Variants in GID8 observed in about 807,000 individuals in gnomAD.
GID8 encodes the protein GID complex subunit 8 homolog.
A neutral mutation model predicts 27.4 loss-of-function variants in GID8; 6 were observed. That is an observed-to-expected ratio of 0.22 (90% CI 0.12 to 0.43). The LOEUF (loss-of-function observed/expected upper bound fraction) is 0.43, where lower values mean the gene tolerates loss of function less well. Among genes scored for constraint, GID8 ranks in the 20% least tolerant of loss-of-function variants. GID8 has a pLI of 1.00. For missense variants in GID8, 173 were observed against 287.6 expected, an observed-to-expected ratio of 0.60 and a Z score of 2.88; for synonymous variants, 112 against 109.0, an observed-to-expected ratio of 1.03 and a Z score of -0.17.
chr20:62,945,746 A>C lies in GID8; in HGVS notation c.*834A>C. ...GGCTTTTTCTGGTACCTGCAGCTGG[A>C]AAGGCCACTTGGCCCTGTGCTGAGT... is the stretch of plus-strand genomic sequence containing the variant. On this transcript the variant is annotated 3_prime_UTR_variant, in exon 5 of 5. Coordinates refer to ENST00000266069, the MANE Select transcript of GID8 (RefSeq NM_017896.3). 1 of 1,219,362 alleles carries C rather than the reference A, an allele frequency of 8.2e-7. No individual in the cohort carries two copies. The highest frequency in any genetic ancestry group is 1.1e-6 in the Non-Finnish European group (1 of 949,690). 75.5% of individuals were successfully genotyped at this position (1,219,362 alleles called of 1,614,324 possible).
chr20:62,944,891 T>A lies in GID8; in HGVS notation c.666T>A (p.Gly222=), dbSNP rs1379895748. The A allele has an allele frequency of 3.1e-6, 5 of 1,612,884 alleles. No homozygotes were observed. The highest frequency in any genetic ancestry group is 4.2e-6 in the Non-Finnish European group (5 of 1,179,392). Residue 222 remains glycine, a synonymous_variant, in exon 5 of 5, where the codon GGT becomes GGA. Transcript: ENST00000266069. ...KYPKMTDLSK[G]VIEEPK ...CCAAAATGACAGACCTCAGCAAGGG[T>A]GTGATTGAGGAGCCCAAGTAGCGCC...
chr20:62,942,774 G>C (rs556678825), intron 2 of GID8, among the ~76,000 whole-genome samples: 22 of 152,336 alleles, frequency 1.4e-4, no homozygotes, highest in African/African-American at 4.6e-4. Context: ...TTTTGGATGG[G>C]ATAACAAGGA....
At chr20:62,941,446 A>C in intron 1 of GID8, 45 bp from the exon 2 acceptor site, 5 of 1,035,676 alleles carry the variant, frequency 4.8e-6, no homozygotes, top group Non-Finnish European at 7.6e-6. Context: ...CTGCCCTTGG[A>C]GGAGCATCTA....
chr20:62,944,935 C>A lies in GID8; in HGVS notation c.*23C>A. On this transcript the variant is annotated 3_prime_UTR_variant, in exon 5 of 5. Coordinates refer to ENST00000266069, the MANE Select transcript of GID8 (RefSeq NM_017896.3). ...TAGCGCCTGCGCTTGCGTGGTGGATCCAACACCAGCCCTGCGTCGTGGGAC... is the reference window on the plus strand; with the variant it reads ...TAGCGCCTGCGCTTGCGTGGTGGATACAACACCAGCCCTGCGTCGTGGGAC... The A allele has an allele frequency of 6.3e-7, 1 of 1,596,916 alleles. No individual in the cohort carries two copies. Among genetic ancestry groups the A allele is most frequent in the Non-Finnish European group, 8.5e-7 (1 of 1,170,962 alleles).
intron 1 of GID8, among the ~76,000 whole-genome samples, chr20:62,939,153 A>G (rs1029618449): frequency 2.6e-5 from 4 of 152,004 alleles, no homozygotes; most frequent in African/African-American, 9.7e-5. Context: ...TCCTTAAGTT[A>G]CCATTAATTG....
chr20:62,941,420 C>A, intron 1 of GID8, 71 bp from the exon 2 acceptor site: 1 of 833,984 alleles, frequency 1.2e-6, no homozygotes, highest in East Asian at 2.5e-5. Flanking sequence ...GCTCACAGCT[C>A]TTCCAGCGCT....
Position 62,943,486 on chromosome 20 carries a change from T to C in GID8, c.316-9T>C. The C allele has an allele frequency of 6.2e-7, 1 of 1,611,436 alleles. No individual in the cohort carries two copies. Among genetic ancestry groups the C allele is most frequent in the South Asian group, 1.1e-5 (1 of 90,986 alleles). ...TGTGGGGGTCAAGCTTGTCTGTCTCTGCCTCCAGCAACAGCATTTGATCGA... is the reference window on the plus strand; with the variant it reads ...TGTGGGGGTCAAGCTTGTCTGTCTCCGCCTCCAGCAACAGCATTTGATCGA... On this transcript the variant is annotated splice_polypyrimidine_tract_variant and intron_variant, in intron 3 of 4. Transcript: ENST00000266069. The surrounding 1 kb of genome is among the most constrained non-coding windows in gnomAD (Gnocchi z 4.7).
Position 62,946,251 on chromosome 20 carries a change from C to T in GID8, c.*1339C>T. 5 of 331,864 alleles carry T rather than the reference C, an allele frequency of 1.5e-5. 1 individual carries two copies. Among genetic ancestry groups the T allele is most frequent in the South Asian group, 6.7e-5 (3 of 44,504 alleles). The allele number at this position is 331,864 out of a possible 1,614,324, so 20.6% of individuals were successfully genotyped here. A position where few individuals can be genotyped will look rare whatever the true frequency, so the allele number is the denominator to read the frequency against. ...GCTAGCACTTGAATCTGGGATCTCG[C>T]CTTATTCTCAAGTAGCAAGGCATCT... On this transcript the variant is annotated 3_prime_UTR_variant, in exon 5 of 5. Transcript: ENST00000266069.
chr20:62,944,769 G>T lies in GID8; in HGVS notation c.544G>T (p.Asp182Tyr). ...GAGTGAAGTTAACCAAGCTGTGCTAGATTATGAAAATCGCGAGTCAACACC... is the reference window on the plus strand; with the variant it reads ...GAGTGAAGTTAACCAAGCTGTGCTATATTATGAAAATCGCGAGTCAACACC... ...VWSEVNQAVL[D>Y]YENRESTPKL... Residue 182 changes from aspartate (D) to tyrosine (Y), a missense_variant, in exon 5 of 5, where the codon GAT becomes TAT. By Grantham distance (160) the Asp-to-Tyr change is radical. Transcript: ENST00000266069. The T allele has an allele frequency of 6.2e-7, 1 of 1,614,076 alleles. No homozygotes were observed. The highest frequency in any genetic ancestry group is 8.5e-7 in the Non-Finnish European group (1 of 1,179,898).
chr20:62,944,669 C>A (rs1008049295), intron 4 of GID8, 70 bp from the exon 5 acceptor site: 26 of 1,065,996 alleles, frequency 2.4e-5, no homozygotes, highest in Non-Finnish European at 3.6e-5. Flanking sequence ...GTTTAAACTG[C>A]CTCTTTTTAA....
chr20:62,944,597 C>T, intron 4 of GID8, 142 bp from the exon 5 acceptor site: 1 of 653,004 alleles, frequency 1.5e-6, no homozygotes, highest in Non-Finnish European at 2.7e-6. Flanking sequence ...TGTGAGCTTC[C>T]CCAGGCAAGG....
In GID8 at chr20:62,945,818, A is replaced by G. The variant is rs898359262; in HGVS notation, c.*906A>G. 8.5e-6 allele frequency: 11 copies of G among 1,288,254 alleles called. No individual in the cohort carries two copies. The highest frequency in any genetic ancestry group is 9.1e-6 in the Non-Finnish European group (9 of 987,800). The allele number at this position is 1,288,254 out of a possible 1,614,324, so 79.8% of individuals were successfully genotyped here. On this transcript the variant is annotated 3_prime_UTR_variant, in exon 5 of 5. Transcript: ENST00000266069. ...GGCAGCCCTTGGCCGGTGGGGACGC[A>G]GAGCCCCAGCAGGTGGTGCACGACT... is the stretch of plus-strand genomic sequence containing the variant.
chr20:62,947,400 G>A lies in GID8; in HGVS notation c.*2488G>A, dbSNP rs1156449298. ...TGAAATTAAGCCACTTTGGGATAAT[G>A]AACATTCAGTATAATTCTACTTTGT... On this transcript the variant is annotated 3_prime_UTR_variant, in exon 5 of 5. Transcript: ENST00000266069. 6.6e-6 allele frequency: 1 copy of A among 152,482 alleles called. No homozygotes were observed. The highest frequency in any genetic ancestry group is 6.5e-5 in the Admixed American group (1 of 15,286). The allele number at this position is 152,482 out of a possible 1,614,324, so 9.4% of individuals were successfully genotyped here.
At position 62,945,138 on chromosome 20, in the gene GID8, T is replaced by A. The variant is rs899822773; in HGVS notation, c.*226T>A. ...GCAGTCTGATGCAGAGCCTGCACTC[T>A]GGCACTCGCTGAAGAATCTGGAAGG... On this transcript the variant is annotated 3_prime_UTR_variant, in exon 5 of 5. Coordinates refer to ENST00000266069, the MANE Select transcript of GID8 (RefSeq NM_017896.3). 8.3e-6 allele frequency: 11 copies of A among 1,330,370 alleles called. No homozygotes were observed. In the African/African-American group the frequency reaches 1.6e-4, roughly 20 times the overall value. The allele number at this position is 1,330,370 out of a possible 1,614,324, so 82.4% of individuals were successfully genotyped here.
intron 1 of GID8, among the ~76,000 whole-genome samples, chr20:62,940,460 C>T (rs1040817223): frequency 3.9e-5 from 6 of 152,126 alleles, no homozygotes; most frequent in Non-Finnish European, 5.9e-5. Flanking sequence ...CGCCATTCTC[C>T]TGCCTCAGCC....
chr20:62,943,239 T>C lies in GID8; in HGVS notation c.315+56T>C. 3.1e-6 allele frequency: 4 copies of C among 1,309,274 alleles called. No homozygotes were observed. Among genetic ancestry groups the C allele is most frequent in the Non-Finnish European group, 4.3e-6 (4 of 926,890 alleles). The allele number at this position is 1,309,274 out of a possible 1,614,324, so 81.1% of individuals were successfully genotyped here. A position where few individuals can be genotyped will look rare whatever the true frequency, so the allele number is the denominator to read the frequency against. ...TGAATACTTGATAAGTTAAAGTTATTTGCAATGATTGAGAAATAACTAGGC... is the reference window on the plus strand; with the variant it reads ...TGAATACTTGATAAGTTAAAGTTATCTGCAATGATTGAGAAATAACTAGGC... On this transcript the variant is annotated intron_variant, in intron 3 of 4. Coordinates refer to ENST00000266069, the MANE Select transcript of GID8 (RefSeq NM_017896.3). This position sits in a 1 kb window ranked among gnomAD's most constrained non-coding sequence, Gnocchi z 4.7.
At chr20:62,941,232 C>T (rs549234969) in intron 1 of GID8, among the ~76,000 whole-genome samples, 7 of 152,238 alleles carry the variant, frequency 4.6e-5, no homozygotes, top group Non-Finnish European at 8.8e-5. Context: ...GTGAGGAGCA[C>T]ACATGTTCAG....
rs1166562284 is a variant in GID8 at position 62,948,048 on chromosome 20, A to G, written c.*3136A>G. On this transcript the variant is annotated 3_prime_UTR_variant, in exon 5 of 5. Transcript: ENST00000266069. ...AGACCAGGCGGAAAGCTTGGTGGCC[A>G]AGCAGTCTGTGTGCTTCCCCGCTGA... 2 of 152,342 alleles carry G rather than the reference A, an allele frequency of 1.3e-5. No homozygotes were observed. The highest frequency in any genetic ancestry group is 1.9e-4 in the East Asian group (1 of 5,182). 9.4% of individuals were successfully genotyped at this position (152,342 alleles called of 1,614,324 possible).
rs2065468896 is a variant in GID8 at position 62,946,895 on chromosome 20, TATATAAG to T, written c.*1986_*1992del. On this transcript the variant is annotated 3_prime_UTR_variant, in exon 5 of 5. Coordinates refer to ENST00000266069, the MANE Select transcript of GID8 (RefSeq NM_017896.3). Reference sequence around the variant, plus strand: ...TCCTAATTACCTTTCACTATTCGTGTATATAAGATCGTTTACTTGCATAATATATCAT... The same window carrying T: ...TCCTAATTACCTTTCACTATTCGTGTATCGTTTACTTGCATAATATATCAT... 6.6e-6 allele frequency: 1 copy of T among 152,244 alleles called. No homozygotes were observed. Among genetic ancestry groups the T allele is most frequent in the South Asian group, 2.1e-4 (1 of 4,836 alleles). The allele number at this position is 152,244 out of a possible 1,614,324, so 9.4% of individuals were successfully genotyped here.
Sources: gnomAD v4.1 joint callset for allele counts (sites outside exome capture counted in the v4.1 genomes callset) on GRCh38, gnomAD v4.1.1 for gene constraint, Gnocchi (gnomAD v3.1) non-coding constraint, MANE v1.5 for transcripts, NCBI Gene and HGNC (gene_info 2026-07-23, HGNC 2026-07-21) for gene names.